The following COL18A1 variants were observed in gnomAD, a reference collection of about 807,000 sequenced individuals.
COL18A1 encodes collagen alpha-1(XVIII) chain.
COL18A1 carries 133 observed loss-of-function variants against 168.0 expected under a neutral mutation model. That is an observed-to-expected ratio of 0.79 (90% CI 0.69 to 0.91). The LOEUF (loss-of-function observed/expected upper bound fraction) is 0.91, where lower values mean the gene tolerates loss of function less well. COL18A1 is among the 40% of genes least tolerant of loss of function. The pLI is 0.00. For synonymous variants in COL18A1, 949 were observed against 809.0 expected (o/e 1.17, Z -2.94); for missense variants, 2,126 against 1,925.4 (o/e 1.10, Z -1.95).
chr21:45,457,356 G>A lies in COL18A1; in HGVS notation c.107-10886G>A, dbSNP rs1032122592. ...GTGCTCGGGCCAAGGGTGCTGCCGCGTGGGCAGTGCAGAGACCCTACCAGC... is the reference window on the plus strand; with the variant it reads ...GTGCTCGGGCCAAGGGTGCTGCCGCATGGGCAGTGCAGAGACCCTACCAGC... On this transcript the variant is annotated intron_variant, in intron 2 of 41. Transcript: ENST00000651438. The surrounding 1 kb of genome is among the most constrained non-coding windows in gnomAD (Gnocchi z 4.6). 6.6e-6 allele frequency among the ~76,000 whole-genome samples: 1 copy of A among 152,202 alleles called. No individual in the cohort carries two copies. Among genetic ancestry groups the A allele is most frequent in the Non-Finnish European group, 1.5e-5 (1 of 68,028 alleles).
intron 32 of COL18A1, among the ~76,000 whole-genome samples, chr21:45,499,146 A>G (rs920813911): frequency 1.3e-5 from 2 of 152,262 alleles, no homozygotes; most frequent in African/African-American, 4.8e-5. Context: ...AATGGTTTCC[A>G]AAATATCCAA....
chr21:45,479,171 AC>A (rs2035790976), intron 9 of COL18A1, among the ~76,000 whole-genome samples: 1 of 127,394 alleles, frequency 7.8e-6, no homozygotes, highest in African/African-American at 3.2e-5. Flanking sequence ...TGAATGTGTG[AC>A]TGCGCGTGTG....
chr21:45,511,180 C>T lies in COL18A1; in HGVS notation c.3763C>T (p.Arg1255Cys), dbSNP rs199908300. ...TGAGGGTCCGCTGAAGCCCGGGGCACGCATCTTCTCCTTTGACGGCAAGGA... is the reference window on the plus strand; with the variant it reads ...TGAGGGTCCGCTGAAGCCCGGGGCATGCATCTTCTCCTTTGACGGCAAGGA... Reference protein sequence around the residue: ...GSEGPLKPGARIFSFDGKDVL... With the variant: ...GSEGPLKPGACIFSFDGKDVL... The change falls in exon 41 of 42, where the codon CGC (arginine) becomes TGC (cysteine). Residue 1255 changes from arginine (R) to cysteine (C), a missense_variant. Physicochemically the swap from Arg to Cys is radical, Grantham distance 180. Coordinates refer to ENST00000651438, the MANE Select transcript of COL18A1 (RefSeq NM_001379500.1). 2.9e-4 allele frequency: 467 copies of T among 1,600,612 alleles called. 2 individuals carry two copies. The African/African-American group carries it at 5.4e-3, about 19-fold the overall frequency.
chr21:45,484,134 C>T lies in COL18A1; in HGVS notation c.1701+1313C>T, dbSNP rs549759249. Among the ~76,000 whole-genome samples, 715 of 124,514 alleles carry T rather than the reference C, an allele frequency of 5.7e-3. 107 individuals are homozygous for T. Among genetic ancestry groups the T allele is most frequent in the African/African-American group, 0.023 (673 of 28,768 alleles). The allele number at this position is 124,514 out of a possible 152,430, so 81.7% of individuals were successfully genotyped here. ...TGCACACGCACACACACCTCTCCAG[C>T]GTATGTACACACACACCTCTCCAGC... On this transcript the variant is annotated intron_variant, in intron 15 of 41. Coordinates refer to ENST00000651438, the MANE Select transcript of COL18A1 (RefSeq NM_001379500.1).
At chr21:45,493,775 C>A in intron 26 of COL18A1, 200 bp downstream of exon 26, 1 of 593,700 alleles carries the variant, frequency 1.7e-6, no homozygotes, top group Non-Finnish European at 3.0e-6. Flanking sequence ...CGTCCTCTCC[C>A]TGCCCCTCGT....
rs2036636500 is a variant in COL18A1, at chr21:45,498,755, T to G, written c.2683+1094T>G. 3.3e-6 allele frequency: 2 copies of G among 607,590 alleles called. No individual in the cohort carries two copies. The highest frequency in any genetic ancestry group is 5.9e-6 in the Non-Finnish European group (2 of 340,756). 37.6% of individuals were successfully genotyped at this position (607,590 alleles called of 1,614,324 possible). A position where few individuals can be genotyped will look rare whatever the true frequency, so the allele number is the denominator to read the frequency against. The stretch of plus-strand genomic sequence containing the variant: ...ACCAGAAACCAGGAGAAGAGGCCAG[T>G]GACACACCAGACCAGGAGGCCCAGC... On this transcript the variant is annotated intron_variant, in intron 32 of 41. Coordinates refer to ENST00000651438, the MANE Select transcript of COL18A1 (RefSeq NM_001379500.1). This position sits in a 1 kb window ranked among gnomAD's most constrained non-coding sequence, Gnocchi z 4.5.
chr21:45,490,376 G>C (rs1442744601), intron 20 of COL18A1, 30 bp downstream of exon 20: 12 of 1,515,104 alleles, frequency 7.9e-6, no homozygotes, highest in Admixed American at 1.9e-5. Flanking sequence ...CCAGGGTGCA[G>C]GGGGGGCGTG....
At chr21:45,489,616 C>A in intron 19 of COL18A1, 95 bp downstream of exon 19, 1 of 770,078 alleles carries the variant, frequency 1.3e-6, no homozygotes, top group Non-Finnish European at 2.1e-6. Context: ...CGGCCTTCCC[C>A]GCTCTTCCTG....
chr21:45,437,468 G>A (rs1204114093), intron 2 of COL18A1, among the ~76,000 whole-genome samples: 2 of 78,250 alleles, frequency 2.6e-5, no homozygotes, highest in Admixed American at 1.4e-4. Context: ...AGACACACAG[G>A]CACTCTCCTG....
At chr21:45,434,802 C>T (rs576127558) in intron 2 of COL18A1, among the ~76,000 whole-genome samples, 5 of 152,204 alleles carry the variant, frequency 3.3e-5, no homozygotes, top group South Asian at 2.1e-4. Flanking sequence ...CCCCCAGAGC[C>T]GGGCTTCCCG....
chr21:45,409,453 C>T (rs954964012), intron 2 of COL18A1, among the ~76,000 whole-genome samples: 6 of 152,082 alleles, frequency 3.9e-5, no homozygotes, highest in Non-Finnish European at 2.9e-5. Flanking sequence ...GGCTTGGGTG[C>T]TCCTCTTATC....
intron 25 of COL18A1, 92 bp from the exon 26 acceptor site, chr21:45,493,408 GC>G: frequency 7.5e-7 from 1 of 1,337,690 alleles, no homozygotes; most frequent in Non-Finnish European, 1.0e-6. Context: ...AGCCTGCGAG[GC>G]CCAGTCACAG....
chr21:45,415,629 G>A (rs922852214), intron 2 of COL18A1, among the ~76,000 whole-genome samples: 3 of 152,174 alleles, frequency 2.0e-5, no homozygotes, highest in South Asian at 2.1e-4. Flanking sequence ...GGCCCCGGAC[G>A]GGAAAGTGCA....
chr21:45,452,839 A>G (rs535802769), intron 2 of COL18A1, among the ~76,000 whole-genome samples: 6 of 138,332 alleles, frequency 4.3e-5, no homozygotes, highest in East Asian at 4.3e-4. Context: ...TGACATGTGT[A>G]AACATGTATG....
rs534909204 is a variant in COL18A1 at position 45,449,242 on chromosome 21, A to G, written c.107-19000A>G. 2.2e-3 allele frequency among the ~76,000 whole-genome samples: 340 copies of G among 152,306 alleles called. 1 individual carries two copies. The highest frequency in any genetic ancestry group is 7.9e-3 in the African/African-American group (327 of 41,564). ...CAAGCCCGAGGGGAGGGCCTGGCTC[A>G]CATGGGCTTCCAGCTGCCGCCGGCC... On this transcript the variant is annotated intron_variant, in intron 2 of 41. Coordinates refer to ENST00000651438, the MANE Select transcript of COL18A1 (RefSeq NM_001379500.1).
chr21:45,501,597 A>G (rs1280490019), intron 32 of COL18A1, among the ~76,000 whole-genome samples: 1 of 152,086 alleles, frequency 6.6e-6, no homozygotes. Flanking sequence ...CAGCCCTCAC[A>G]CTGCAGCCGC....
chr21:45,506,415 A>G, intron 37 of COL18A1: 1 of 322,994 alleles, frequency 3.1e-6, no homozygotes, highest in Non-Finnish European at 6.1e-6. Flanking sequence ...GATGAAATGC[A>G]TCCTCTCTGC....
intron 2 of COL18A1, chr21:45,421,745 A>C: frequency 5.1e-6 from 2 of 389,118 alleles, no homozygotes; most frequent in South Asian, 3.8e-5. Flanking sequence ...GCCACCTCCC[A>C]GGCAGTAGGC....
Position 45,480,841 on chromosome 21 carries a change from G to A in COL18A1, c.1594G>A (p.Gly532Arg), listed in dbSNP as rs761342635. The change falls in exon 13 of 42, where the codon GGG (glycine) becomes AGG (arginine). Residue 532 changes from glycine (G) to arginine (R), a missense_variant. Gly to Arg is a moderately radical substitution (Grantham distance 125). Coordinates refer to ENST00000651438, the MANE Select transcript of COL18A1 (RefSeq NM_001379500.1). ...PGVPGREGPP[G>R]FPGLPGPPGP... ...TGTGCCTGGGCGCGAGGGTCCCCCC[G>A]GGTTTCCTGGCCTCCCGGTAAGTCC... is the stretch of plus-strand genomic sequence containing the variant. 94 of 1,610,960 alleles carry A rather than the reference G, an allele frequency of 5.8e-5. No individual in the cohort carries two copies. Among genetic ancestry groups the A allele is most frequent in the South Asian group, 5.5e-5 (5 of 90,852 alleles).
Sources: gnomAD v4.1 joint callset for allele counts (sites outside exome capture counted in the v4.1 genomes callset) on GRCh38, gnomAD v4.1.1 for gene constraint, Gnocchi (gnomAD v3.1) non-coding constraint, MANE v1.5 for transcripts, NCBI Gene and HGNC (gene_info 2026-07-23, HGNC 2026-07-21) for gene names.